SPRED1: variants seen among roughly 807,000 people sequenced by gnomAD.
SPRED1 encodes the protein sprouty related EVH1 domain containing 1.
Under a neutral mutation model 52.3 loss-of-function variants are expected in SPRED1, and 18 were observed. The observed-to-expected ratio is 0.34, with a 90% CI of 0.24 to 0.51. The LOEUF is 0.51. SPRED1 is among the 20% of genes least tolerant of loss of function. The pLI, the probability that SPRED1 is intolerant of heterozygous loss-of-function variation, is 0.97. For synonymous variants in SPRED1, 155 were observed against 179.7 expected, an observed-to-expected ratio of 0.86 and a Z score of 1.10; for missense variants, 485 against 551.0, an observed-to-expected ratio of 0.88 and a Z score of 1.20.
intron 1 of SPRED1, among the ~76,000 whole-genome samples, chr15:38,295,349 C>A (rs1895012820): frequency 6.6e-6 from 1 of 152,120 alleles, no homozygotes; most frequent in Non-Finnish European, 1.5e-5. Flanking sequence ...TCAAAGCCAT[C>A]CTGGGCCACA....
intron 1 of SPRED1, among the ~76,000 whole-genome samples, chr15:38,280,639 TA>T (rs1894667770): frequency 6.6e-6 from 1 of 152,178 alleles, no homozygotes; most frequent in Admixed American, 6.5e-5. Flanking sequence ...GACATTTGGT[TA>T]GGCAGTGTAC....
At chr15:38,345,983 G>A (rs1316936901) in intron 5 of SPRED1, among the ~76,000 whole-genome samples, 1 of 152,106 alleles carries the variant, frequency 6.6e-6, no homozygotes, top group East Asian at 1.9e-4. Flanking sequence ...CCTTAGTAAT[G>A]CTTAAATAGG....
chr15:38,334,478 G>A (rs571963638), intron 4 of SPRED1, among the ~76,000 whole-genome samples: 2 of 152,104 alleles, frequency 1.3e-5, no homozygotes, highest in Admixed American at 6.6e-5. Context: ...CTTGGAGAGA[G>A]AACCCATGAA....
At chr15:38,293,188 C>T (rs961808017) in intron 1 of SPRED1, among the ~76,000 whole-genome samples, 2 of 139,114 alleles carry the variant, frequency 1.4e-5, no homozygotes, top group African/African-American at 5.3e-5. Flanking sequence ...CAACCTTTGC[C>T]TCCCAGGCTC....
At chr15:38,344,055 A>G (rs1522770) in intron 5 of SPRED1, among the ~76,000 whole-genome samples, 145,818 of 152,200 alleles carry the variant, frequency 0.96, 70,142 homozygotes, top group East Asian at 1. Flanking sequence ...AGAGATTTTG[A>G]GATATTAAAA....
chr15:38,342,032 T>G (rs1431222674), intron 5 of SPRED1, among the ~76,000 whole-genome samples: 2 of 148,930 alleles, frequency 1.3e-5, no homozygotes, highest in Non-Finnish European at 3.0e-5. Context: ...GTTTGGGTTT[T>G]TTTTTTTTTT....
At chr15:38,275,669 T>A (rs1894534477) in intron 1 of SPRED1, among the ~76,000 whole-genome samples, 1 of 152,162 alleles carries the variant, frequency 6.6e-6, no homozygotes, top group Non-Finnish European at 1.5e-5. Flanking sequence ...AGCTAATTTT[T>A]GTATTTTCAG....
intron 1 of SPRED1, among the ~76,000 whole-genome samples, chr15:38,293,098 A>ATTTTTTTTTTTT (rs1566857726): frequency 3.5e-4 from 7 of 20,208 alleles, no homozygotes; most frequent in East Asian, 2.0e-3. Flanking sequence ...CAAGATTACA[A>ATTTTTTTTTTTT]CTTTTTTTTT....
intron 1 of SPRED1, among the ~76,000 whole-genome samples, chr15:38,261,362 A>C (rs1894201087): frequency 6.6e-6 from 1 of 152,174 alleles, no homozygotes; most frequent in South Asian, 2.1e-4. Flanking sequence ...TGTTACTCAG[A>C]TGTAGGATTG....
chr15:38,319,748 C>T (rs921604235), intron 2 of SPRED1, among the ~76,000 whole-genome samples: 16 of 152,240 alleles, frequency 1.1e-4, no homozygotes, highest in Non-Finnish European at 1.5e-5. Context: ...AATTTCACTG[C>T]ATTGCCTATA....
chr15:38,301,874 A>AT (rs67902425), intron 2 of SPRED1, among the ~76,000 whole-genome samples: 81 of 150,958 alleles, frequency 5.4e-4, no homozygotes, highest in Non-Finnish European at 4.3e-4. Context: ...TAGTTTCTTG[A>AT]TTTTTTTTTT....
intron 2 of SPRED1, among the ~76,000 whole-genome samples, chr15:38,312,679 G>A (rs1432012888): frequency 1.3e-5 from 2 of 151,944 alleles, no homozygotes; most frequent in Admixed American, 6.6e-5. Flanking sequence ...AATAGTTACA[G>A]GTCTCTAATG....
intron 1 of SPRED1, among the ~76,000 whole-genome samples, chr15:38,260,687 T>A (rs936765570): frequency 6.6e-6 from 1 of 152,234 alleles, no homozygotes; most frequent in African/African-American, 2.4e-5. Flanking sequence ...TCAATAACTA[T>A]GTCAATATAA....
At chr15:38,314,040 T>C (rs1895421533) in intron 2 of SPRED1, among the ~76,000 whole-genome samples, 1 of 151,998 alleles carries the variant, frequency 6.6e-6, no homozygotes, top group African/African-American at 2.4e-5. Flanking sequence ...TGTATTGCAT[T>C]ATGTTTAGAG....
intron 1 of SPRED1, among the ~76,000 whole-genome samples, chr15:38,278,478 G>T (rs1393355194): frequency 6.6e-6 from 1 of 152,110 alleles, no homozygotes; most frequent in Non-Finnish European, 1.5e-5. Context: ...GAGAGACCCT[G>T]TCTCCTCCTC....
At chr15:38,299,861 T>C (rs1895118882) in intron 2 of SPRED1, among the ~76,000 whole-genome samples, 1 of 152,150 alleles carries the variant, frequency 6.6e-6, no homozygotes, top group African/African-American at 2.4e-5. Flanking sequence ...AGACCAGAGA[T>C]TGGCAAACTA....
chr15:38,269,098 C>G (rs1286582131), intron 1 of SPRED1, among the ~76,000 whole-genome samples: 3 of 152,132 alleles, frequency 2.0e-5, no homozygotes, highest in Non-Finnish European at 4.4e-5. Context: ...ACCACCATGT[C>G]TGGCTAATTT....
At chr15:38,346,061 G>A (rs1284992342) in intron 5 of SPRED1, among the ~76,000 whole-genome samples, 1 of 152,116 alleles carries the variant, frequency 6.6e-6, no homozygotes, top group Non-Finnish European at 1.5e-5. Flanking sequence ...TTTGAGGTCA[G>A]GCATGGTTGC....
At chr15:38,318,258 C>T (rs905402194) in intron 2 of SPRED1, among the ~76,000 whole-genome samples, 3 of 151,876 alleles carry the variant, frequency 2.0e-5, no homozygotes, top group Admixed American at 6.6e-5. Context: ...TATAGATAGA[C>T]GTAAACAAGT....
Sources: allele counts gnomAD v4.1 joint callset (sites outside exome capture counted in the v4.1 genomes callset), GRCh38; gene constraint gnomAD v4.1.1; transcripts MANE v1.5; gene names NCBI Gene and HGNC (gene_info 2026-07-23, HGNC 2026-07-21).